Variants in PRDM16 observed in about 807,000 individuals in gnomAD.
PRDM16 encodes the protein histone-lysine N-methyltransferase PRDM16.
A neutral mutation model predicts 110.6 loss-of-function variants in PRDM16; 23 were observed. The observed-to-expected ratio is 0.21, with a 90% CI of 0.15 to 0.29. The LOEUF (loss-of-function observed/expected upper bound fraction) is 0.29. Ranked by LOEUF, PRDM16 falls within the 10% of genes least tolerant of loss-of-function variation. The pLI, the probability that PRDM16 is intolerant of heterozygous loss-of-function variation, is 1.00. For missense variants in PRDM16, 1,615 were observed against 1,794.3 expected (o/e 0.90, Z 1.81); for synonymous variants, 799 against 781.8 (o/e 1.02, Z -0.37).
intron 5 of PRDM16, among the ~76,000 whole-genome samples, chr1:3,402,358 CCTTT>C (rs1643486381): frequency 2.0e-5 from 3 of 152,238 alleles, no homozygotes; most frequent in African/African-American, 7.2e-5. Context: ...TAGCTGCCCC[CCTTT>C]TAATTTGTTT....
At chr1:3,329,429 C>T (rs1286702208) in intron 3 of PRDM16, among the ~76,000 whole-genome samples, 1 of 152,174 alleles carries the variant, frequency 6.6e-6, no homozygotes, top group Admixed American at 6.5e-5. Flanking sequence ...AATGGGATCC[C>T]CGGACAGAGC....
At chr1:3,218,836 C>T (rs1272381519) in intron 2 of PRDM16, among the ~76,000 whole-genome samples, 1 of 152,236 alleles carries the variant, frequency 6.6e-6, no homozygotes, top group Non-Finnish European at 1.5e-5. Flanking sequence ...ACCCGAACCA[C>T]GCTTGCTCAG....
chr1:3,132,567 AC>A (rs1357720730), intron 1 of PRDM16, among the ~76,000 whole-genome samples: 2 of 150,598 alleles, frequency 1.3e-5, no homozygotes, highest in Non-Finnish European at 3.0e-5. Flanking sequence ...TCTCCCCTCC[AC>A]CCCCCATTAC....
At chr1:3,198,551 C>T (rs145783472) in intron 2 of PRDM16, among the ~76,000 whole-genome samples, 18 of 152,294 alleles carry the variant, frequency 1.2e-4, no homozygotes, top group Admixed American at 6.5e-4. Flanking sequence ...TTCTGGGACG[C>T]GTGGGCAGCA....
chr1:3,269,740 A>G (rs977247791), intron 3 of PRDM16, among the ~76,000 whole-genome samples: 2 of 149,812 alleles, frequency 1.3e-5, no homozygotes, highest in African/African-American at 2.4e-5. Context: ...TTGGGAGGAC[A>G]GTCAGGAGGA....
intron 2 of PRDM16, among the ~76,000 whole-genome samples, chr1:3,194,484 G>T (rs1435565063): frequency 6.6e-6 from 1 of 152,084 alleles, no homozygotes; most frequent in Non-Finnish European, 1.5e-5. Context: ...AGGTGCTGGG[G>T]ACCTCGGCTC....
intron 2 of PRDM16, among the ~76,000 whole-genome samples, chr1:3,234,299 A>T (rs1479181837): frequency 6.6e-6 from 1 of 151,998 alleles, no homozygotes; most frequent in African/African-American, 2.4e-5. Context: ...TCAAATCCAG[A>T]CAGTCCTGGC....
chr1:3,204,919 A>G (rs1049567312), intron 2 of PRDM16, among the ~76,000 whole-genome samples: 3 of 152,184 alleles, frequency 2.0e-5, no homozygotes, highest in African/African-American at 4.8e-5. Context: ...CGCCGGGACA[A>G]TGTGCTCCGA....
intron 3 of PRDM16, among the ~76,000 whole-genome samples, chr1:3,321,840 G>C (rs567195246): frequency 2.0e-5 from 3 of 151,944 alleles, no homozygotes; most frequent in East Asian, 3.9e-4. Context: ...GTGCATTTGT[G>C]TGTGGGTCCG....
chr1:3,239,038 C>T (rs1639602997), intron 2 of PRDM16, among the ~76,000 whole-genome samples: 1 of 152,256 alleles, frequency 6.6e-6, no homozygotes, highest in East Asian at 1.9e-4. Flanking sequence ...CAAAAAATGA[C>T]CCGCTGCTGT....
intron 2 of PRDM16, among the ~76,000 whole-genome samples, chr1:3,237,232 G>A (rs915635108): frequency 2.0e-5 from 3 of 152,008 alleles, no homozygotes; most frequent in African/African-American, 7.3e-5. Flanking sequence ...TCCTCAAAGG[G>A]CCATGGCAGA....
At chr1:3,233,878 G>T (rs1312452534) in intron 2 of PRDM16, among the ~76,000 whole-genome samples, 2 of 148,144 alleles carry the variant, frequency 1.4e-5, no homozygotes, top group East Asian at 3.9e-4. Context: ...GCAATGAAGT[G>T]TTGGGGTTTT....
chr1:3,307,614 C>G (rs536944403), intron 3 of PRDM16: 1 of 152,260 alleles, frequency 6.6e-6, no homozygotes, highest in Non-Finnish European at 1.5e-5. Context: ...GAAGAGCGCA[C>G]AGTGTGCAAG....
intron 2 of PRDM16, among the ~76,000 whole-genome samples, chr1:3,232,843 C>T (rs974637507): frequency 6.6e-5 from 10 of 152,270 alleles, no homozygotes; most frequent in African/African-American, 1.9e-4. Flanking sequence ...CAGATTCTCC[C>T]ACCCAGTCCT....
chr1:3,134,472 T>C (rs1569647255), intron 1 of PRDM16, among the ~76,000 whole-genome samples: 2 of 152,164 alleles, frequency 1.3e-5, no homozygotes, highest in East Asian at 3.9e-4. Context: ...CATCACCCCC[T>C]CCTGCCCTCC....
chr1:3,283,433 C>T (rs1447997503), intron 3 of PRDM16, among the ~76,000 whole-genome samples: 1 of 152,200 alleles, frequency 6.6e-6, no homozygotes, highest in East Asian at 1.9e-4. Flanking sequence ...GGCTCCATGG[C>T]ATAGGACAGC....
rs577644180 is a variant in PRDM16, at chr1:3,290,652, G to T, written c.438+46515G>T. On this transcript the variant is annotated intron_variant, in intron 3 of 16. Transcript: ENST00000270722. This position sits in a 1 kb window ranked among gnomAD's most constrained non-coding sequence, Gnocchi z 4.8. ...CAGTGGTGGGCCCAGGCCGGCCAGCGCTGGCTGAAGGAGCACTGTCCCCAC... is the reference window on the plus strand; with the variant it reads ...CAGTGGTGGGCCCAGGCCGGCCAGCTCTGGCTGAAGGAGCACTGTCCCCAC... Among the ~76,000 whole-genome samples, 3 of 152,150 alleles carry T rather than the reference G, an allele frequency of 2.0e-5. No individual in the cohort carries two copies. Among genetic ancestry groups the T allele is most frequent in the Non-Finnish European group, 4.4e-5 (3 of 68,046 alleles).
At chr1:3,428,723 C>T (rs1638686962) in intron 14 of PRDM16, among the ~76,000 whole-genome samples, 3 of 152,218 alleles carry the variant, frequency 2.0e-5, no homozygotes, top group African/African-American at 7.2e-5. Flanking sequence ...GGTCCTGCAG[C>T]CCCGTGAACC....
chr1:3,327,201 G>T (rs1213067227), intron 3 of PRDM16, among the ~76,000 whole-genome samples: 2 of 152,216 alleles, frequency 1.3e-5, no homozygotes, highest in Non-Finnish European at 2.9e-5. Context: ...ACCTTCTCTG[G>T]TGGCCTTTTA....
Sources: gnomAD v4.1 joint callset for allele counts (sites outside exome capture counted in the v4.1 genomes callset) on GRCh38, gnomAD v4.1.1 for gene constraint, Gnocchi (gnomAD v3.1) non-coding constraint, MANE v1.5 for transcripts, NCBI Gene and HGNC (gene_info 2026-07-23, HGNC 2026-07-21) for gene names.